Variants in RELN observed in about 807,000 individuals in gnomAD.
The protein encoded by RELN is reelin.
Under a neutral mutation model 427.6 loss-of-function variants are expected in RELN, and 108 were observed. That is an observed-to-expected ratio of 0.25 (90% CI 0.22 to 0.30). RELN has a LOEUF of 0.30. Ranked by LOEUF, RELN falls within the 10% of genes least tolerant of loss-of-function variation. RELN has a pLI of 1.00. For synonymous variants in RELN, 1,524 were observed against 1,513.4 expected (o/e 1.01, Z -0.16); for missense variants, 3,715 against 4,302.8 (o/e 0.86, Z 3.82).
chr7:103,744,252 A>G (rs1270975681), intron 6 of RELN, among the ~76,000 whole-genome samples: 7 of 152,194 alleles, frequency 4.6e-5, no homozygotes, highest in African/African-American at 7.2e-5. Flanking sequence ...TCTCTGGGAC[A>G]CATTCAAAGC....
In RELN at chr7:103,697,974, G is replaced by C. The variant is rs1467885013; in HGVS notation, c.1022C>G (p.Ala341Gly). Residue 341 changes from alanine to glycine, a missense_variant, in exon 10 of 65, where the codon GCC (alanine) becomes GGC (glycine). By Grantham distance (60) the Ala-to-Gly change is moderately conservative (BLOSUM62 0). This residue lies in a region of RELN where 2,208 missense variants were observed against 2,361.7 expected (regional missense o/e 0.93). Transcript: ENST00000428762. ...ENLRVGEVYE[A>G]CWALDNILII... ...CAAGATGTTATCTAAGGCCCAGCAG[G>C]CTTCATACACTTCACCTACACGAAG... 5.0e-6 allele frequency: 8 copies of C among 1,613,746 alleles called. No homozygotes were observed. The highest frequency in any genetic ancestry group is 6.8e-6 in the Non-Finnish European group (8 of 1,179,818).
chr7:103,788,389 A>G (rs1792073578), intron 3 of RELN, among the ~76,000 whole-genome samples: 2 of 152,238 alleles, frequency 1.3e-5, no homozygotes, highest in South Asian at 4.1e-4. Flanking sequence ...GGAAAAGAGG[A>G]CATCAAATTG....
chr7:103,734,164 C>T (rs1584446249), intron 6 of RELN, among the ~76,000 whole-genome samples: 1 of 152,142 alleles, frequency 6.6e-6, no homozygotes, highest in East Asian at 1.9e-4. Flanking sequence ...TCCACTTTCT[C>T]ATGTTCTCAG....
chr7:103,501,074 T>G (rs1053136515), intron 52 of RELN, 152 bp from the exon 53 acceptor site: 1 of 705,980 alleles, frequency 1.4e-6, no homozygotes, highest in Admixed American at 2.4e-5. Context: ...TTCTGACCAC[T>G]CTTATCTTTC....
In RELN at chr7:103,589,809, T is replaced by C. The variant is rs1831368346; in HGVS notation, c.3932A>G (p.Asn1311Ser). 3 of 1,607,782 alleles carry C rather than the reference T, an allele frequency of 1.9e-6. No homozygotes were observed. Among genetic ancestry groups the C allele is most frequent in the Non-Finnish European group, 2.6e-6 (3 of 1,174,272 alleles). Residue 1311 changes from asparagine to serine, a missense_variant, in exon 28 of 65, where the codon AAT becomes AGT. Asn to Ser is a conservative substitution (Grantham distance 46). Transcript: ENST00000428762. ...LQFKLNIGCA[N>S]QFSSTAPVLL... The stretch of plus-strand genomic sequence containing the variant: ...AACTGGAGCAGTACTGCTGAATTGA[T>C]TGGCACAACCTATGTTTAGCTGTTA...
intron 51 of RELN, among the ~76,000 whole-genome samples, chr7:103,509,537 A>G (rs959422529): frequency 2.0e-5 from 3 of 152,222 alleles, no homozygotes; most frequent in African/African-American, 7.2e-5. Flanking sequence ...GTTAAGACCT[A>G]AAACCATAAA....
chr7:103,760,854 A>C (rs1791281289), intron 4 of RELN, among the ~76,000 whole-genome samples: 1 of 151,950 alleles, frequency 6.6e-6, no homozygotes, highest in Non-Finnish European at 1.5e-5. Flanking sequence ...TGAAGTTAGC[A>C]TTTAATGAGC....
intron 24 of RELN, 68 bp from the exon 25 acceptor site, chr7:103,596,729 C>A: frequency 7.4e-7 from 1 of 1,351,906 alleles, no homozygotes; most frequent in Non-Finnish European, 1.1e-6. Flanking sequence ...TGTTTCAGTT[C>A]CAAATTCACA....
At chr7:103,665,736 TG>T (rs1212622854) in intron 11 of RELN, among the ~76,000 whole-genome samples, 2 of 152,152 alleles carry the variant, frequency 1.3e-5, no homozygotes, top group Non-Finnish European at 2.9e-5. Flanking sequence ...CTTGTCAGTT[TG>T]GGGATTCAAA....
intron 6 of RELN, among the ~76,000 whole-genome samples, chr7:103,746,754 T>C (rs1332522839): frequency 3.3e-5 from 5 of 150,688 alleles, no homozygotes; most frequent in African/African-American, 1.2e-4. Flanking sequence ...CATTAAAAAG[T>C]CAGGAAACAA....
At chr7:103,614,804 T>C (rs989362330) in intron 20 of RELN, among the ~76,000 whole-genome samples, 8 of 152,236 alleles carry the variant, frequency 5.3e-5, no homozygotes, top group Non-Finnish European at 1.2e-4. Flanking sequence ...TCTATCCTGA[T>C]GCCTTAATCT....
Position 103,640,730 on chromosome 7 carries a change from T to C in RELN, c.2003-121A>G, listed in dbSNP as rs1655491907. 1.1e-6 allele frequency: 1 copy of C among 948,644 alleles called. No individual in the cohort carries two copies. Among genetic ancestry groups the C allele is most frequent in the African/African-American group, 1.6e-5 (1 of 61,378 alleles). 58.8% of individuals were successfully genotyped at this position (948,644 alleles called of 1,614,324 possible). On this transcript the variant is annotated intron_variant, in intron 16 of 64. Coordinates refer to ENST00000428762, the MANE Select transcript of RELN (RefSeq NM_005045.4). This position sits in a 1 kb window ranked among gnomAD's most constrained non-coding sequence, Gnocchi z 4.1. ...GTATGTTGTGTGCAGGAACCCAGGG[T>C]GACATATGGAATGCTGTGTAATAAG...
chr7:103,545,925 C>T (rs139122826), intron 41 of RELN, among the ~76,000 whole-genome samples: 163 of 152,264 alleles, frequency 1.1e-3, no homozygotes, highest in African/African-American at 3.8e-3. Context: ...CGTGAGCCAC[C>T]GCACCCGGCC....
chr7:103,976,389 A>G (rs983684758), intron 1 of RELN, among the ~76,000 whole-genome samples: 2 of 149,442 alleles, frequency 1.3e-5, no homozygotes, highest in Non-Finnish European at 3.0e-5. Flanking sequence ...ACTAGAATGA[A>G]AGTGAGCAAG....
chr7:103,715,429 T>C (rs1789913310), intron 8 of RELN, among the ~76,000 whole-genome samples: 1 of 152,240 alleles, frequency 6.6e-6, no homozygotes, highest in South Asian at 2.1e-4. Flanking sequence ...CTACTAGTAA[T>C]AATCTCTGTT....
At position 103,988,937 on chromosome 7, in the gene RELN, A is replaced by G. The variant is rs1476616913; in HGVS notation, c.226+194T>C. Among the ~76,000 whole-genome samples the G allele has an allele frequency of 1.3e-5, 2 of 152,188 alleles. No individual in the cohort carries two copies. Among genetic ancestry groups the G allele is most frequent in the Admixed American group, 1.3e-4 (2 of 15,288 alleles). On this transcript the variant is annotated intron_variant, in intron 1 of 64. Transcript: ENST00000428762. The surrounding 1 kb of genome is among the most constrained non-coding windows in gnomAD (Gnocchi z 4.9). ...GGAGATGCGTTCGGGGAGTGGGGACATGGAGAATGAATCCCAACTTGTGAC... is the reference window on the plus strand; with the variant it reads ...GGAGATGCGTTCGGGGAGTGGGGACGTGGAGAATGAATCCCAACTTGTGAC...
intron 20 of RELN, among the ~76,000 whole-genome samples, chr7:103,623,245 G>A (rs959690862): frequency 1.2e-4 from 18 of 152,138 alleles, no homozygotes; most frequent in African/African-American, 4.3e-4. Flanking sequence ...TGGCTCCTGG[G>A]AGCCATCTCA....
In RELN at chr7:103,824,627, A is replaced by AGTGTGTGTGTGTGT. The variant is rs368098458; in HGVS notation, c.473+8896_473+8909dup. Among the ~76,000 whole-genome samples the AGTGTGTGTGTGTGT allele has an allele frequency of 0.026, 3,466 of 130,822 alleles. 84 individuals carry two copies. Among genetic ancestry groups the AGTGTGTGTGTGTGT allele is most frequent in the Middle Eastern group, 0.035 (8 of 228 alleles). The allele number at this position is 130,822 out of a possible 152,430, so 85.8% of individuals were successfully genotyped here. A position where few individuals can be genotyped will look rare whatever the true frequency, so the allele number is the denominator to read the frequency against. On this transcript the variant is annotated intron_variant, in intron 3 of 64. Transcript: ENST00000428762. This position sits in a 1 kb window ranked among gnomAD's most constrained non-coding sequence, Gnocchi z 4.4. ...GTGTTTTCACTTTCTTTCAAAACAG[A>AGTGTGTGTGTGTGT]GTGTGTGTGTGTGTGTGTGTGTGTG...
intron 1 of RELN, among the ~76,000 whole-genome samples, chr7:103,938,146 C>T (rs1367842445): frequency 6.6e-6 from 1 of 151,964 alleles, no homozygotes; most frequent in South Asian, 2.1e-4. Flanking sequence ...CATGGTAAAA[C>T]CCTGTCTCTA....
Sources: allele counts gnomAD v4.1 joint callset (sites outside exome capture counted in the v4.1 genomes callset), GRCh38; gene constraint gnomAD v4.1.1; regional missense constraint gnomAD v4.1.1; non-coding constraint Gnocchi (gnomAD v3.1); transcripts MANE v1.5; gene names NCBI Gene and HGNC (gene_info 2026-07-23, HGNC 2026-07-21).